Variants in GPC5 observed in about 807,000 individuals in gnomAD.
GPC5 encodes the protein glypican-5.
Under a neutral mutation model 53.9 loss-of-function variants are expected in GPC5, and 47 were observed. That is an observed-to-expected ratio of 0.87 (90% CI 0.69 to 1.11). The LOEUF is 1.11. GPC5 is among the 50% of genes most tolerant of loss of function. The pLI, the probability that GPC5 is intolerant of heterozygous loss-of-function variation, is 0.00. For synonymous variants in GPC5, 286 were observed against 263.3 expected, an observed-to-expected ratio of 1.09 and a Z score of -0.84; for missense variants, 748 against 713.1, an observed-to-expected ratio of 1.05 and a Z score of -0.56.
chr13:91,892,808 T>A (rs2039401545), intron 5 of GPC5, among the ~76,000 whole-genome samples: 1 of 151,960 alleles, frequency 6.6e-6, no homozygotes, highest in South Asian at 2.1e-4. Context: ...TTAGTGAGTA[T>A]CTGTCACTTA....
Position 92,119,326 on chromosome 13 carries a change from A to G in GPC5, c.1402-25504A>G, listed in dbSNP as rs529209196. ...GGGAATTATGGGAGCTAAATATCAA[A>G]ATGAGATTTGGGTGGGAACACAGTC... On this transcript the variant is annotated intron_variant, in intron 6 of 7. Coordinates refer to ENST00000377067, the MANE Select transcript of GPC5 (RefSeq NM_004466.6). Among the ~76,000 whole-genome samples the G allele has an allele frequency of 1.0e-3, 156 of 152,024 alleles. 1 individual carries two copies. The highest frequency in any genetic ancestry group is 3.5e-3 in the African/African-American group (145 of 41,492).
chr13:92,456,141 C>T (rs904382495), intron 7 of GPC5, among the ~76,000 whole-genome samples: 6 of 152,122 alleles, frequency 3.9e-5, no homozygotes, highest in East Asian at 3.9e-4. Flanking sequence ...GTGTTGATGT[C>T]GGCCAAAAGT....
At position 92,548,864 on chromosome 13, in the gene GPC5, C is replaced by A. The variant is rs565375448; in HGVS notation, c.1562-317418C>A. On this transcript the variant is annotated intron_variant, in intron 7 of 7. Transcript: ENST00000377067. ...TTCACATTATATGCCTGTATCAAAACATCTCATGTGCCGCATAAATACATA... is the reference window on the plus strand; with the variant it reads ...TTCACATTATATGCCTGTATCAAAAAATCTCATGTGCCGCATAAATACATA... Among the ~76,000 whole-genome samples the A allele has an allele frequency of 3.3e-5, 5 of 152,152 alleles. No individual in the cohort carries two copies. The East Asian group carries it at 7.7e-4, about 24-fold the overall frequency.
intron 2 of GPC5, among the ~76,000 whole-genome samples, chr13:91,565,021 G>A (rs993871693): frequency 5.3e-5 from 8 of 150,084 alleles, no homozygotes; most frequent in Non-Finnish European, 1.0e-4. Flanking sequence ...ACAGAGTCTC[G>A]CTCTGTCACC....
chr13:92,097,720 G>A (rs1361083539), intron 6 of GPC5, among the ~76,000 whole-genome samples: 1 of 152,140 alleles, frequency 6.6e-6, no homozygotes, highest in African/African-American at 2.4e-5. Context: ...GGAATAAAAG[G>A]AACAAAATGA....
intron 7 of GPC5, among the ~76,000 whole-genome samples, chr13:92,453,231 A>G (rs1308475511): frequency 6.6e-6 from 1 of 152,250 alleles, no homozygotes; most frequent in East Asian, 1.9e-4. Flanking sequence ...TTTAAATTGT[A>G]CATAGCATTG....
At chr13:92,399,270 A>T (rs1327109741) in intron 7 of GPC5, among the ~76,000 whole-genome samples, 2 of 152,216 alleles carry the variant, frequency 1.3e-5, no homozygotes, top group Non-Finnish European at 2.9e-5. Flanking sequence ...TAAAATATAG[A>T]CCCTTAAAAT....
chr13:92,175,834 T>C (rs1437334389), intron 7 of GPC5, among the ~76,000 whole-genome samples: 1 of 152,178 alleles, frequency 6.6e-6, no homozygotes, highest in Non-Finnish European at 1.5e-5. Context: ...TTTATCTCTT[T>C]AGAGGCTAAA....
At chr13:91,912,635 TCTG>T (rs1317490778) in intron 6 of GPC5, among the ~76,000 whole-genome samples, 6 of 152,156 alleles carry the variant, frequency 3.9e-5, no homozygotes, top group Non-Finnish European at 7.3e-5. Flanking sequence ...CATTAAATAT[TCTG>T]CTATCTGGTT....
At chr13:92,397,884 A>G (rs1379177754) in intron 7 of GPC5, among the ~76,000 whole-genome samples, 3 of 152,144 alleles carry the variant, frequency 2.0e-5, no homozygotes, top group Non-Finnish European at 4.4e-5. Flanking sequence ...TGCAGTTTAT[A>G]TAAGGTACCA....
intron 1 of GPC5, among the ~76,000 whole-genome samples, chr13:91,435,801 T>C (rs1879894366): frequency 6.6e-6 from 1 of 152,242 alleles, no homozygotes; most frequent in South Asian, 2.1e-4. Context: ...AATTTGGCTG[T>C]GAATCCATCT....
At chr13:91,745,122 C>G (rs2037019591) in intron 4 of GPC5, among the ~76,000 whole-genome samples, 2 of 151,760 alleles carry the variant, frequency 1.3e-5, no homozygotes, top group African/African-American at 4.8e-5. Context: ...TAATGGAGAA[C>G]AGAGGTAGTG....
At chr13:91,727,334 C>T (rs1291740492) in intron 3 of GPC5, among the ~76,000 whole-genome samples, 1 of 152,138 alleles carries the variant, frequency 6.6e-6, no homozygotes, top group Non-Finnish European at 1.5e-5. Context: ...CTTCACCCAC[C>T]ACCCCCACTG....
intron 2 of GPC5, among the ~76,000 whole-genome samples, chr13:91,635,304 A>C (rs1302838897): frequency 2.0e-5 from 3 of 152,158 alleles, no homozygotes; most frequent in African/African-American, 7.2e-5. Context: ...ATTGGATATA[A>C]TTATTCAATT....
intron 7 of GPC5, among the ~76,000 whole-genome samples, chr13:92,703,052 A>ATATATATTTATTTATTTATT (rs997997917): frequency 2.1e-5 from 3 of 145,772 alleles, no homozygotes; most frequent in African/African-American, 7.6e-5. Context: ...GCATATATAT[A>ATATATATTTATTTATTTATT]TATTTATTTA....
At chr13:92,212,079 C>CAA (rs769337977) in intron 7 of GPC5, among the ~76,000 whole-genome samples, 883 of 67,354 alleles carry the variant, frequency 0.013, 14 homozygotes, top group African/African-American at 0.042. Context: ...CACAATAAAG[C>CAA]AAAAAAAAAA....
chr13:92,740,259 C>CACTT (rs1889049024), intron 7 of GPC5, among the ~76,000 whole-genome samples: 1 of 152,034 alleles, frequency 6.6e-6, no homozygotes, highest in African/African-American at 2.4e-5. Flanking sequence ...TCCCCTTTAC[C>CACTT]ACTTACATAA....
chr13:92,317,435 T>C (rs1194843431), intron 7 of GPC5, among the ~76,000 whole-genome samples: 1 of 152,106 alleles, frequency 6.6e-6, no homozygotes, highest in African/African-American at 2.4e-5. Context: ...TTTATGTGAT[T>C]TACCCTTCAT....
chr13:92,848,962 G>C (rs1878702144), intron 7 of GPC5, among the ~76,000 whole-genome samples: 1 of 152,060 alleles, frequency 6.6e-6, no homozygotes. Context: ...GGTCAAGTCA[G>C]GTGATCCTGT....
Sources: allele counts gnomAD v4.1 joint callset (sites outside exome capture counted in the v4.1 genomes callset), GRCh38; gene constraint gnomAD v4.1.1; transcripts MANE v1.5; gene names NCBI Gene and HGNC (gene_info 2026-07-23, HGNC 2026-07-21).